ADD3: variants seen among roughly 807,000 people sequenced by gnomAD.
The protein encoded by ADD3 is adducin 3.
In ADD3, 25 loss-of-function variants were observed where a neutral mutation model predicts 80.2. The observed-to-expected ratio is 0.31, with a 90% CI of 0.23 to 0.44. The LOEUF (loss-of-function observed/expected upper bound fraction) is 0.44. Among genes scored for constraint, ADD3 ranks in the 20% least tolerant of loss-of-function variants. ADD3 has a pLI of 1.00. For missense variants in ADD3, 829 were observed against 847.5 expected, an observed-to-expected ratio of 0.98 and a Z score of 0.27; for synonymous variants, 284 against 289.6, an observed-to-expected ratio of 0.98 and a Z score of 0.20.
At chr10:110,110,811 A>G (rs60318426) in intron 2 of ADD3, among the ~76,000 whole-genome samples, 1 of 151,912 alleles carries the variant, frequency 6.6e-6, no homozygotes, top group East Asian at 1.9e-4. Flanking sequence ...CCTGACCAAC[A>G]TGGTGAAACC....
upstream of ADD3, among the ~76,000 whole-genome samples, chr10:110,006,348 T>G (rs981473741): frequency 6.6e-6 from 1 of 152,212 alleles, no homozygotes; most frequent in Non-Finnish European, 1.5e-5. Flanking sequence ...GATACTTTTT[T>G]TGCTATTCAT....
chr10:110,014,299 A>G (rs1206720109), intron 1 of ADD3, among the ~76,000 whole-genome samples: 1 of 152,180 alleles, frequency 6.6e-6, no homozygotes, highest in Admixed American at 6.5e-5. Context: ...TTTAATATCT[A>G]AGGAGGTGGT....
At chr10:110,086,251 T>C (rs1590055335) in intron 1 of ADD3, among the ~76,000 whole-genome samples, 1 of 150,720 alleles carries the variant, frequency 6.6e-6, no homozygotes, top group African/African-American at 2.4e-5. Flanking sequence ...CTCTACTAAA[T>C]ATACAAAAAT....
chr10:110,060,055 AG>A (rs1425298582), intron 1 of ADD3, among the ~76,000 whole-genome samples: 3 of 152,182 alleles, frequency 2.0e-5, no homozygotes, highest in Non-Finnish European at 4.4e-5. Context: ...TGTGAAGTGA[AG>A]GGAATAGAGT....
intron 1 of ADD3, among the ~76,000 whole-genome samples, chr10:110,060,590 T>G (rs1236998265): frequency 6.6e-6 from 1 of 152,232 alleles, no homozygotes; most frequent in African/African-American, 2.4e-5. Flanking sequence ...TGAGGACAAC[T>G]TCGGGACATT....
intron 1 of ADD3, among the ~76,000 whole-genome samples, chr10:110,019,793 A>T (rs543764659): frequency 5.9e-5 from 9 of 152,324 alleles, no homozygotes; most frequent in Admixed American, 3.3e-4. Flanking sequence ...AGTGGCCAAG[A>T]AACCTATGAT....
At chr10:110,114,740 T>C (rs1850480012) in intron 3 of ADD3, among the ~76,000 whole-genome samples, 1 of 152,132 alleles carries the variant, frequency 6.6e-6, no homozygotes, top group South Asian at 2.1e-4. Flanking sequence ...AAATCACCTT[T>C]AGACCCTTTT....
Position 110,119,493 on chromosome 10 carries a change from G to A in ADD3, c.889G>A (p.Val297Ile), listed in dbSNP as rs750379380. The A allele has an allele frequency of 2.5e-6, 4 of 1,614,134 alleles. No homozygotes were observed. In the South Asian group the frequency reaches 3.3e-5, roughly 13 times the overall value. The change falls in exon 8 of 15, where the codon GTT (valine) becomes ATT (isoleucine). Residue 297 changes from valine to isoleucine, a missense_variant. Val to Ile is a conservative substitution (Grantham distance 29). Coordinates refer to ENST00000356080, the MANE Select transcript of ADD3 (RefSeq NM_016824.5). The part of the protein sequence containing the change: ...KVLVLRNHGV[V>I]ALGETLEEAF... ...GCTGGTACTCAGGAATCATGGTGTG[G>A]TTGCACTTGGAGAAACATTAGAGGA...
intron 1 of ADD3, among the ~76,000 whole-genome samples, chr10:110,012,972 G>A (rs931675267): frequency 1.3e-5 from 2 of 151,836 alleles, no homozygotes; most frequent in African/African-American, 2.4e-5. Context: ...AGCACCATAT[G>A]TTATGTTTAC....
intron 1 of ADD3, among the ~76,000 whole-genome samples, chr10:110,047,422 CTA>C (rs1022856238): frequency 3.9e-5 from 6 of 152,166 alleles, no homozygotes; most frequent in African/African-American, 1.4e-4. Flanking sequence ...TAAATGCACA[CTA>C]TATTAAGTGG....
intron 1 of ADD3, among the ~76,000 whole-genome samples, chr10:110,055,003 C>G (rs563715988): frequency 6.6e-6 from 1 of 152,038 alleles, no homozygotes; most frequent in Non-Finnish European, 1.5e-5. Flanking sequence ...CCTCGTGATC[C>G]GCCTTCCTCT....
In ADD3 at chr10:110,040,395, G is replaced by A. The variant is rs141467225; in HGVS notation, c.-30+32096G>A. 1.6e-4 allele frequency among the ~76,000 whole-genome samples: 25 copies of A among 152,238 alleles called. No homozygotes were observed. The East Asian group carries it at 4.6e-3, about 28-fold the overall frequency. Reference sequence around the variant, plus strand: ...AACATGATTGAACAGATTGACACTGGCAGGATCACACAGCACAAATTTAGT... The same window carrying A: ...AACATGATTGAACAGATTGACACTGACAGGATCACACAGCACAAATTTAGT... On this transcript the variant is annotated intron_variant, in intron 1 of 14. Coordinates refer to ENST00000356080, the MANE Select transcript of ADD3 (RefSeq NM_016824.5).
At chr10:110,011,592 G>A (rs571686294) in intron 1 of ADD3, among the ~76,000 whole-genome samples, 39 of 152,242 alleles carry the variant, frequency 2.6e-4, no homozygotes, top group African/African-American at 8.9e-4. Context: ...TATAATTAGT[G>A]CTTTTCAGAT....
At chr10:110,077,355 G>A (rs761290535) in intron 1 of ADD3, among the ~76,000 whole-genome samples, 13 of 151,728 alleles carry the variant, frequency 8.6e-5, no homozygotes, top group Non-Finnish European at 4.4e-5. Context: ...ACGATTTTGG[G>A]GATGACACTG....
chr10:110,029,362 ACTT>A (rs1355158209), intron 1 of ADD3, among the ~76,000 whole-genome samples: 14 of 152,338 alleles, frequency 9.2e-5, no homozygotes, highest in African/African-American at 3.1e-4. Flanking sequence ...TGGTGACTAT[ACTT>A]CTTGTTATAA....
chr10:110,119,038 T>G (rs1032942130), intron 6 of ADD3, among the ~76,000 whole-genome samples, 173 bp from the exon 7 acceptor site: 15 of 152,164 alleles, frequency 9.9e-5, no homozygotes, highest in Admixed American at 9.2e-4. Flanking sequence ...TAAGTCCTTT[T>G]TGTGTGTGTG....
At chr10:110,036,584 G>A (rs914121788) in intron 1 of ADD3, among the ~76,000 whole-genome samples, 33 of 151,834 alleles carry the variant, frequency 2.2e-4, no homozygotes, top group African/African-American at 8.0e-4. Flanking sequence ...TTCACCGTAA[G>A]GATGGTCTCT....
chr10:110,124,414 T>G lies in ADD3; in HGVS notation c.1401+140T>G, dbSNP rs1851885053. The G allele has an allele frequency of 9.1e-6, 9 of 988,162 alleles. No individual in the cohort carries two copies. The South Asian group carries it at 1.6e-4, about 17-fold the overall frequency. The allele number at this position is 988,162 out of a possible 1,614,324, so 61.2% of individuals were successfully genotyped here. On this transcript the variant is annotated intron_variant, in intron 10 of 14. Coordinates refer to ENST00000356080, the MANE Select transcript of ADD3 (RefSeq NM_016824.5). The stretch of plus-strand genomic sequence containing the variant: ...TGTCACTTATCTGGCTTTAACTTTG[T>G]GCAAGACACTCTTCTAAGTGCCATA...
At position 109,997,534 on chromosome 10, in the gene ADD3, C is replaced by T. The variant is rs532084380; in HGVS notation, n.79+1088C>T. On this transcript the variant is annotated intron_variant and non_coding_transcript_variant, in intron 1 of 5. Coordinates refer to the ADD3 transcript ENST00000468251. ...CTGCACTTAGGTAGCCATTTTTCTT[C>T]ACATGATGAATCCTTCTGAAGGACC... 7.2e-5 allele frequency: 11 copies of T among 152,332 alleles called. No homozygotes were observed. The South Asian group carries it at 2.3e-3, about 32-fold the overall frequency. The allele number at this position is 152,332 out of a possible 1,614,324, so 9.4% of individuals were successfully genotyped here. A position where few individuals can be genotyped will look rare whatever the true frequency, so the allele number is the denominator to read the frequency against.
Sources: allele counts gnomAD v4.1 joint callset (sites outside exome capture counted in the v4.1 genomes callset), GRCh38; gene constraint gnomAD v4.1.1; transcripts MANE v1.5; gene names NCBI Gene and HGNC (gene_info 2026-07-23, HGNC 2026-07-21).